The following KIF25 variants were observed in gnomAD, a reference collection of about 807,000 sequenced individuals.
The protein encoded by KIF25 is kinesin-like protein KIF25.
In KIF25, 19 loss-of-function variants were observed where a neutral mutation model predicts 32.9. The observed-to-expected ratio is 0.58, with a 90% confidence interval of 0.40 to 0.85. The LOEUF is 0.85. Ranked by LOEUF, KIF25 falls within the 40% of genes least tolerant of loss-of-function variation. The probability of loss-of-function intolerance (pLI) is 0.00; values close to 1 mark genes in which losing one functional copy is unlikely to be tolerated. For synonymous variants in KIF25, 225 were observed against 213.7 expected (o/e 1.05, Z -0.46); for missense variants, 485 against 507.0 (o/e 0.96, Z 0.42).
intron 5 of KIF25, among the ~76,000 whole-genome samples, chr6:168,026,891 A>G (rs1386946758): frequency 2.0e-5 from 3 of 152,214 alleles, no homozygotes; most frequent in Admixed American, 1.3e-4. Flanking sequence ...TAACTGACAC[A>G]TTTGTGTGAA....
chr6:168,043,157 A>T (rs1799156257), intron 12 of KIF25, among the ~76,000 whole-genome samples: 1 of 152,204 alleles, frequency 6.6e-6, no homozygotes, highest in East Asian at 1.9e-4. Context: ...CAGGTGGGGC[A>T]CAGGCGGCCC....
rs571113349 is a variant in KIF25, at chr6:168,007,468, T to C, written c.-163+3765T>C. 4.6e-5 allele frequency among the ~76,000 whole-genome samples: 7 copies of C among 152,192 alleles called. No homozygotes were observed. The East Asian group carries it at 1.4e-3, about 29-fold the overall frequency. On this transcript the variant is annotated intron_variant, in intron 4 of 12. Transcript: ENST00000643607. ...ACAATCAGTAAAATGATTACCACAG[T>C]CAATGGTAATGACTACCAGGATGGC...
At chr6:168,006,504 G>T (rs1454016660) in intron 4 of KIF25, among the ~76,000 whole-genome samples, 2 of 152,300 alleles carry the variant, frequency 1.3e-5, no homozygotes, top group East Asian at 3.9e-4. Context: ...TTCCACACTT[G>T]TGGCACCGGG....
chr6:168,015,249 C>T (rs1798698487), intron 4 of KIF25, among the ~76,000 whole-genome samples: 1 of 152,164 alleles, frequency 6.6e-6, no homozygotes, highest in Non-Finnish European at 1.5e-5. Flanking sequence ...GAGTCCCTGA[C>T]TCTGTCTGCA....
chr6:168,003,036 A>C (rs1798528995), intron 3 of KIF25, among the ~76,000 whole-genome samples: 1 of 152,190 alleles, frequency 6.6e-6, no homozygotes, highest in Non-Finnish European at 1.5e-5. Flanking sequence ...TAATTCAGAG[A>C]AGCTTTGCTC....
In KIF25 at chr6:168,041,961, C is replaced by A. The variant is rs1473781310; in HGVS notation, c.647-8C>A. On this transcript the variant is annotated splice_polypyrimidine_tract_variant and splice_region_variant and intron_variant, in intron 10 of 12. Coordinates refer to ENST00000643607, the MANE Select transcript of KIF25 (RefSeq NM_030615.4). Reference sequence around the variant, plus strand: ...TTTTCCTCCTCGTCGCTCCTTGGTCCCTTGCAGCAGACCAAGCCTGCAGTG... The same window carrying A: ...TTTTCCTCCTCGTCGCTCCTTGGTCACTTGCAGCAGACCAAGCCTGCAGTG... The A allele has an allele frequency of 1.7e-5, 26 of 1,551,150 alleles. No individual in the cohort carries two copies. The highest frequency in any genetic ancestry group is 2.2e-5 in the Non-Finnish European group (25 of 1,146,904).
At chr6:168,023,164 T>C (rs1412647203) in intron 5 of KIF25, among the ~76,000 whole-genome samples, 1 of 152,188 alleles carries the variant, frequency 6.6e-6, no homozygotes, top group African/African-American at 2.4e-5. Flanking sequence ...CTGTTGCTTC[T>C]GTCTGGATTG....
intron 5 of KIF25, among the ~76,000 whole-genome samples, chr6:168,023,484 T>A (rs1015667868): frequency 2.0e-5 from 3 of 152,150 alleles, no homozygotes; most frequent in African/African-American, 7.2e-5. Flanking sequence ...GCCCAGCAGG[T>A]CTTGAACTCC....
At chr6:168,032,511 C>T (rs1018274262) in intron 7 of KIF25, among the ~76,000 whole-genome samples, 6 of 152,274 alleles carry the variant, frequency 3.9e-5, no homozygotes, top group African/African-American at 7.2e-5. Context: ...AGGATGGTAA[C>T]GCAGAGGCCT....
At chr6:168,020,157 C>CAAACAA (rs1306570283) in intron 5 of KIF25, among the ~76,000 whole-genome samples, 1 of 149,386 alleles carries the variant, frequency 6.7e-6, no homozygotes, top group Non-Finnish European at 1.5e-5. Flanking sequence ...AACAAACAAA[C>CAAACAA]AGAGAAACAC....
intron 7 of KIF25, among the ~76,000 whole-genome samples, chr6:168,033,413 T>C (rs1474219856): frequency 6.6e-6 from 1 of 151,618 alleles, no homozygotes; most frequent in Non-Finnish European, 1.5e-5. Context: ...GGCAGGAGAA[T>C]TGCTTGAACC....
rs770690461 is a variant in KIF25 at position 168,040,261 on chromosome 6, C to T, written c.646+45C>T. On this transcript the variant is annotated intron_variant, in intron 10 of 12. Coordinates refer to ENST00000643607, the MANE Select transcript of KIF25 (RefSeq NM_030615.4). ...TGGTCAGTGGCAAGTAATAGAAAAA[C>T]CCACTTAAGAAGAAAAAAATCAGGC... The T allele has an allele frequency of 1.9e-6, 3 of 1,568,682 alleles. No homozygotes were observed. The Admixed American group carries it at 5.3e-5, about 28-fold the overall frequency.
At chr6:168,043,469 G>C (rs1015217745) in intron 12 of KIF25, among the ~76,000 whole-genome samples, 2 of 152,206 alleles carry the variant, frequency 1.3e-5, no homozygotes, top group African/African-American at 2.4e-5. Context: ...GCTGGTGCTC[G>C]GGACTCGGGG....
chr6:168,020,128 T>A (rs1007095368), intron 5 of KIF25, among the ~76,000 whole-genome samples: 18 of 150,366 alleles, frequency 1.2e-4, no homozygotes, highest in Admixed American at 8.6e-4. Context: ...AGACTCCATC[T>A]CAAACAAACA....
intron 5 of KIF25, among the ~76,000 whole-genome samples, chr6:168,018,743 T>C (rs1798749205): frequency 6.6e-6 from 1 of 152,212 alleles, no homozygotes; most frequent in South Asian, 2.1e-4. Flanking sequence ...TACCAAGGGC[T>C]GGCTGAGTGG....
In KIF25 at chr6:168,044,959, C is replaced by T. The variant is rs1799198918; in HGVS notation, c.1118C>T (p.Pro373Leu). 1.9e-6 allele frequency: 3 copies of T among 1,608,940 alleles called. No homozygotes were observed. The highest frequency in any genetic ancestry group is 4.5e-5 in the East Asian group (2 of 44,696). ...CGAGGCCCTGCCCGAAAGAAGCCGCCCAGCTCCCAAACGGAGGGGAAGAGG... is the reference window on the plus strand; with the variant it reads ...CGAGGCCCTGCCCGAAAGAAGCCGCTCAGCTCCCAAACGGAGGGGAAGAGG... Reference protein sequence around the residue: ...VQRGPARKKPPSSQTEGKRRP... With the variant: ...VQRGPARKKPLSSQTEGKRRP... The change falls in exon 13 of 13, where the codon CCC (proline) becomes CTC (leucine). Residue 373 changes from proline to leucine, a missense_variant. By Grantham distance (98) the Pro-to-Leu change is moderately conservative. Around this residue, in one of 2 missense-constraint regions of KIF25, gnomAD observed 480 missense variants for 470.3 expected, o/e 1.02. Transcript: ENST00000643607.
intron 7 of KIF25, among the ~76,000 whole-genome samples, 157 bp downstream of exon 7, chr6:168,031,004 T>A (rs1798933407): frequency 6.6e-6 from 1 of 152,190 alleles, no homozygotes; most frequent in Non-Finnish European, 1.5e-5. Flanking sequence ...TCCACTTGCA[T>A]CCGTGGAGAC....
chr6:168,037,444 C>T (rs1799039712), intron 8 of KIF25, among the ~76,000 whole-genome samples: 1 of 152,188 alleles, frequency 6.6e-6, no homozygotes, highest in Admixed American at 6.5e-5. Flanking sequence ...GCACAATGCT[C>T]ACCATCGGAT....
intron 5 of KIF25, among the ~76,000 whole-genome samples, chr6:168,021,888 G>C (rs971608993): frequency 6.6e-6 from 1 of 152,190 alleles, no homozygotes; most frequent in East Asian, 1.9e-4. Flanking sequence ...AAAGTTCAAC[G>C]TTATCAATTT....
Sources: gnomAD v4.1 joint callset for allele counts (sites outside exome capture counted in the v4.1 genomes callset) on GRCh38, gnomAD v4.1.1 for gene constraint, gnomAD v4.1.1 regional missense constraint, MANE v1.5 for transcripts, NCBI Gene and HGNC (gene_info 2026-07-23, HGNC 2026-07-21) for gene names.